The following MASP1 variants were observed in gnomAD, a reference collection of about 807,000 sequenced individuals.
MASP1 encodes the protein MBL associated serine protease 1.
Under a neutral mutation model 77.1 loss-of-function variants are expected in MASP1, and 59 were observed. That is an observed-to-expected ratio of 0.77 (90% confidence interval 0.62 to 0.95). The LOEUF is 0.95. Among genes scored for constraint, MASP1 ranks in the 40% least tolerant of loss-of-function variants. The probability of loss-of-function intolerance (pLI) is 0.00; values close to 1 mark genes in which losing one functional copy is unlikely to be tolerated. For missense variants in MASP1, 885 were observed against 912.9 expected, an observed-to-expected ratio of 0.97 and a Z score of 0.39; for synonymous variants, 362 against 354.5, an observed-to-expected ratio of 1.02 and a Z score of -0.24.
chr3:187,255,790 T>A (rs1407589613), intron 5 of MASP1, among the ~76,000 whole-genome samples: 1 of 152,198 alleles, frequency 6.6e-6, no homozygotes, highest in Non-Finnish European at 1.5e-5. Context: ...TGTGGGTTCC[T>A]CTTCCTCCAT....
At chr3:187,232,140 A>G (rs1248734378), downstream of MASP1, among the ~76,000 whole-genome samples, 2 of 152,012 alleles carry the variant, frequency 1.3e-5, no homozygotes, top group Admixed American at 6.5e-5. Flanking sequence ...TCTTAGCAGC[A>G]TTGGGTGCTG....
Position 187,291,237 on chromosome 3 carries a change from T to C in MASP1, c.5+391A>G, listed in dbSNP as rs542775793. 57 of 350,326 alleles carry C rather than the reference T, an allele frequency of 1.6e-4. 1 individual carries two copies. The highest frequency in any genetic ancestry group is 1.4e-3 in the South Asian group (54 of 38,498). 21.7% of individuals were successfully genotyped at this position (350,326 alleles called of 1,614,324 possible). On this transcript the variant is annotated intron_variant, in intron 1 of 10. Coordinates refer to ENST00000296280, the MANE Select transcript of MASP1 (RefSeq NM_139125.4). ...AGGAATGAACACACAAACACATATC[T>C]AACTCACAAAGTGCTGGAAGAGAGA...
At chr3:187,256,477 G>A (rs1715085069) in intron 5 of MASP1, 187 bp downstream of exon 5, 12 of 659,688 alleles carry the variant, frequency 1.8e-5, no homozygotes, top group Admixed American at 2.2e-5. Context: ...GGGTCATTTC[G>A]GATCAGAGAT....
At chr3:187,264,920 G>C (rs557932057) in intron 2 of MASP1, among the ~76,000 whole-genome samples, 2 of 152,202 alleles carry the variant, frequency 1.3e-5, no homozygotes, top group African/African-American at 4.8e-5. Flanking sequence ...ACGATATACA[G>C]GAACCTGGCA....
intron 1 of MASP1, among the ~76,000 whole-genome samples, chr3:187,288,024 A>C (rs1383364633): frequency 3.3e-5 from 5 of 152,240 alleles, no homozygotes; most frequent in African/African-American, 9.6e-5. Context: ...TGAAATGGGA[A>C]TATAAGTATT....
intron 8 of MASP1, among the ~76,000 whole-genome samples, chr3:187,248,133 T>G (rs1311008644): frequency 6.6e-6 from 1 of 152,184 alleles, no homozygotes; most frequent in Non-Finnish European, 1.5e-5. Flanking sequence ...GGAATTCTAA[T>G]AGTCTTAATC....
At chr3:187,263,958 T>G (rs1043322658) in intron 2 of MASP1, among the ~76,000 whole-genome samples, 4 of 152,224 alleles carry the variant, frequency 2.6e-5, no homozygotes, top group Non-Finnish European at 4.4e-5. Context: ...TTGCAACCTC[T>G]GGACCAAATT....
intron 4 of MASP1, among the ~76,000 whole-genome samples, chr3:187,259,363 T>TG (rs768823519): frequency 6.6e-6 from 1 of 152,134 alleles, no homozygotes; most frequent in East Asian, 1.9e-4. Flanking sequence ...AGCATTCTCA[T>TG]GGGGGCGATC....
chr3:187,230,679 C>G (rs1003259026), downstream of MASP1, among the ~76,000 whole-genome samples: 2 of 152,152 alleles, frequency 1.3e-5, no homozygotes, highest in Non-Finnish European at 2.9e-5. Context: ...TTGACAGACA[C>G]GCTCCCACAT....
chr3:187,267,413 G>T (rs1716130727), intron 2 of MASP1, among the ~76,000 whole-genome samples: 1 of 152,166 alleles, frequency 6.6e-6, no homozygotes, highest in Non-Finnish European at 1.5e-5. Context: ...AGTTAATCTG[G>T]GAGCTACGTT....
intron 8 of MASP1, chr3:187,244,944 T>G (rs1401040069): frequency 6.6e-6 from 1 of 152,202 alleles, no homozygotes; most frequent in East Asian, 1.9e-4. Context: ...TTTGATTAGC[T>G]AGAGAGTCCA....
intron 14 of MASP1, chr3:187,221,279 A>T: frequency 1.5e-6 from 1 of 688,700 alleles, no homozygotes. Flanking sequence ...GCCCCATGCT[A>T]CAGGTGAAGG....
chr3:187,229,695 C>G, downstream of MASP1: 2 of 1,593,200 alleles, frequency 1.3e-6, no homozygotes, highest in South Asian at 2.3e-5. Context: ...AATGAAGAAA[C>G]CTTGGTCAGT....
intron 10 of MASP1, among the ~76,000 whole-genome samples, chr3:187,236,963 A>G (rs1007239547): frequency 1.3e-5 from 2 of 152,198 alleles, no homozygotes; most frequent in African/African-American, 2.4e-5. Context: ...GGTCCATGCT[A>G]TGGGAACCTA....
intron 2 of MASP1, among the ~76,000 whole-genome samples, chr3:187,281,394 T>C (rs1717397545): frequency 6.6e-6 from 1 of 152,224 alleles, no homozygotes; most frequent in African/African-American, 2.4e-5. Flanking sequence ...TTCCTGTGAG[T>C]TGGAAGGTTT....
intron 7 of MASP1, 36 bp from the exon 8 acceptor site, chr3:187,250,365 G>C (rs1714465237): frequency 2.0e-6 from 3 of 1,501,858 alleles, no homozygotes; most frequent in Non-Finnish European, 2.8e-6. Context: ...TGGGAAGAAG[G>C]AGGTGGGGGT....
intron 2 of MASP1, among the ~76,000 whole-genome samples, chr3:187,268,704 T>C (rs779269719): frequency 4.6e-5 from 7 of 152,174 alleles, no homozygotes; most frequent in Non-Finnish European, 1.0e-4. Context: ...CTTCAATATG[T>C]GAGCAGAACT....
At chr3:187,250,109 C>T in intron 8 of MASP1, 142 bp downstream of exon 8, 1 of 752,312 alleles carries the variant, frequency 1.3e-6, no homozygotes, top group Non-Finnish European at 2.4e-6. Context: ...TTTTTTTTCC[C>T]AACCCTTGTG....
intron 11 of MASP1, among the ~76,000 whole-genome samples, chr3:187,228,393 G>T (rs111376884): frequency 0.024 from 3,724 of 152,050 alleles, 77 homozygotes; most frequent in Middle Eastern, 0.058. Context: ...GGAGCTGTCT[G>T]GTGAAGCAGA....
Sources: allele counts gnomAD v4.1 joint callset (sites outside exome capture counted in the v4.1 genomes callset), GRCh38; gene constraint gnomAD v4.1.1; transcripts MANE v1.5; gene names NCBI Gene and HGNC (gene_info 2026-07-23, HGNC 2026-07-21).